The following FBN1 variants were observed in gnomAD, a reference collection of about 807,000 sequenced individuals.
FBN1 encodes fibrillin-1.
In FBN1, 29 loss-of-function variants were observed where a neutral mutation model predicts 365.1. The ratio of observed to expected loss-of-function variants is 0.08; its 90% CI spans 0.06 to 0.11. The LOEUF (loss-of-function observed/expected upper bound fraction) is 0.11. Among genes scored for constraint, FBN1 ranks in the 10% least tolerant of loss-of-function variants. FBN1 has a pLI of 1.00. For synonymous variants in FBN1, 1,210 were observed against 1,270.5 expected, an observed-to-expected ratio of 0.95 and a Z score of 1.01; for missense variants, 2,476 against 3,703.2, an observed-to-expected ratio of 0.67 and a Z score of 8.60.
At chr15:48,437,572 C>A in intron 51 of FBN1, 185 bp from the exon 52 acceptor site, 1 of 787,394 alleles carries the variant, frequency 1.3e-6, no homozygotes, top group Non-Finnish European at 2.1e-6. Context: ...ACTCCTTGGG[C>A]ATCTGTGATT....
intron 6 of FBN1, among the ~76,000 whole-genome samples, chr15:48,553,110 C>T (rs899575277): frequency 3.3e-5 from 5 of 152,108 alleles, no homozygotes; most frequent in Non-Finnish European, 5.9e-5. Flanking sequence ...TTGTAAGATA[C>T]GTTCTATTTT....
In FBN1 at chr15:48,485,079, G is replaced by A. The variant is rs58687755; in HGVS notation, c.3712+295C>T. On this transcript the variant is annotated intron_variant, in intron 30 of 65. Transcript: ENST00000316623. ...TAAACCTGGAGTTGCACTGAATTAG[G>A]CCAAAACATCAAACTCTTCAAAAGT... 0.013 allele frequency among the ~76,000 whole-genome samples: 2,001 copies of A among 152,224 alleles called. 26 individuals are homozygous for A. The highest frequency in any genetic ancestry group is 0.033 in the Admixed American group (507 of 15,286).
chr15:48,537,914 T>C, intron 6 of FBN1, 106 bp from the exon 7 acceptor site: 2 of 1,127,508 alleles, frequency 1.8e-6, no homozygotes, highest in Non-Finnish European at 1.3e-6. Context: ...GAGAAATGAA[T>C]TTCAGGGACA....
Position 48,492,417 on chromosome 15 carries a change from C to T in FBN1, c.2854+44G>A, listed in dbSNP as rs778752043. On this transcript the variant is annotated intron_variant, in intron 24 of 65. Coordinates refer to ENST00000316623, the MANE Select transcript of FBN1 (RefSeq NM_000138.5). ...TCTTGTTAACTTCATTTTTAATAATCGTTAATAAATTATTATTAGAAAAAT... is the reference window on the plus strand; with the variant it reads ...TCTTGTTAACTTCATTTTTAATAATTGTTAATAAATTATTATTAGAAAAAT... 23 of 1,575,844 alleles carry T rather than the reference C, an allele frequency of 1.5e-5. No individual in the cohort carries two copies. In the East Asian group the frequency reaches 2.7e-4, roughly 19 times the overall value.
At chr15:48,615,191 G>A (rs1304901586) in intron 2 of FBN1, among the ~76,000 whole-genome samples, 1 of 152,160 alleles carries the variant, frequency 6.6e-6, no homozygotes, top group Non-Finnish European at 1.5e-5. Context: ...AGCTCCGCTG[G>A]AGATAGTCCA....
intron 2 of FBN1, among the ~76,000 whole-genome samples, chr15:48,635,107 C>T (rs886945598): frequency 2.6e-5 from 4 of 152,116 alleles, no homozygotes; most frequent in Non-Finnish European, 5.9e-5. Context: ...GTAAGTATGA[C>T]TGATGGTCTA....
chr15:48,597,733 G>A (rs946280577), intron 5 of FBN1, among the ~76,000 whole-genome samples: 1 of 152,210 alleles, frequency 6.6e-6, no homozygotes, highest in Admixed American at 6.5e-5. Context: ...TAACCAGAGA[G>A]GTTTATGTAA....
At chr15:48,445,312 T>A (rs2043149269) in intron 48 of FBN1, 64 bp downstream of exon 48, 1 of 1,565,298 alleles carries the variant, frequency 6.4e-7, no homozygotes, top group African/African-American at 1.4e-5. Flanking sequence ...GAACAGAGAC[T>A]GCATGATTCC....
intron 6 of FBN1, among the ~76,000 whole-genome samples, chr15:48,584,942 T>C (rs551212183): frequency 6.6e-6 from 1 of 152,346 alleles, no homozygotes; most frequent in Admixed American, 6.5e-5. Context: ...CAAATGATTA[T>C]ATAAAGAATG....
intron 15 of FBN1, among the ~76,000 whole-genome samples, chr15:48,507,238 T>C (rs987008219): frequency 1.3e-5 from 2 of 152,160 alleles, no homozygotes; most frequent in Non-Finnish European, 2.9e-5. Context: ...TTCATATCTC[T>C]TTCTATTATT....
At chr15:48,576,600 A>C (rs2044349641) in intron 6 of FBN1, among the ~76,000 whole-genome samples, 1 of 152,180 alleles carries the variant, frequency 6.6e-6, no homozygotes, top group Admixed American at 6.5e-5. Flanking sequence ...TGCAGGGAAG[A>C]GAGGGACTAA....
intron 38 of FBN1, among the ~76,000 whole-genome samples, chr15:48,466,643 T>G (rs148325272): frequency 2.0e-5 from 3 of 152,188 alleles, no homozygotes; most frequent in Non-Finnish European, 4.4e-5. Context: ...TGAAATTATA[T>G]GTACACATGC....
intron 8 of FBN1, among the ~76,000 whole-genome samples, chr15:48,531,677 G>A (rs2043974394): frequency 6.6e-6 from 1 of 152,110 alleles, no homozygotes. Context: ...CATTTCCACA[G>A]TGAGACACTG....
At chr15:48,553,693 T>C (rs1391817490) in intron 6 of FBN1, among the ~76,000 whole-genome samples, 1 of 152,126 alleles carries the variant, frequency 6.6e-6, no homozygotes, top group East Asian at 1.9e-4. Context: ...CCAGATGTTA[T>C]TGTTAATTTC....
At chr15:48,523,723 G>T (rs987586099) in intron 9 of FBN1, among the ~76,000 whole-genome samples, 1 of 142,724 alleles carries the variant, frequency 7.0e-6, no homozygotes, top group Non-Finnish European at 1.5e-5. Context: ...GGGGGGGGGG[G>T]AACCGTTGTG....
chr15:48,512,269 T>A (rs2043766534), intron 13 of FBN1, among the ~76,000 whole-genome samples: 1 of 152,214 alleles, frequency 6.6e-6, no homozygotes, highest in Non-Finnish European at 1.5e-5. Flanking sequence ...TAAGATTAAC[T>A]CTTGTCAATG....
At chr15:48,513,446 G>T (rs2043776492) in intron 13 of FBN1, 103 bp downstream of exon 13, 1 of 1,539,884 alleles carries the variant, frequency 6.5e-7, no homozygotes, top group Non-Finnish European at 9.0e-7. Flanking sequence ...GACTGTATTA[G>T]TCTCTTCCGG....
intron 3 of FBN1, among the ~76,000 whole-genome samples, chr15:48,611,840 T>G (rs2044659298): frequency 6.6e-6 from 1 of 152,202 alleles, no homozygotes; most frequent in Non-Finnish European, 1.5e-5. Flanking sequence ...AGGCATGATC[T>G]TTTCCTCAAG....
At chr15:48,598,971 A>C (rs1181922217) in intron 5 of FBN1, among the ~76,000 whole-genome samples, 1 of 152,134 alleles carries the variant, frequency 6.6e-6, no homozygotes, top group Non-Finnish European at 1.5e-5. Context: ...TTTCCTGCAC[A>C]AGCTCTTTCT....
Sources: allele counts gnomAD v4.1 joint callset (sites outside exome capture counted in the v4.1 genomes callset), GRCh38; gene constraint gnomAD v4.1.1; transcripts MANE v1.5; gene names NCBI Gene and HGNC (gene_info 2026-07-23, HGNC 2026-07-21).